Variants in VWA3B observed in about 807,000 individuals in gnomAD.
VWA3B encodes von Willebrand factor A domain-containing protein 3B.
VWA3B carries 138 observed loss-of-function variants against 158.3 expected under a neutral mutation model. The ratio of observed to expected loss-of-function variants is 0.87; its 90% CI spans 0.76 to 1.00. The LOEUF (loss-of-function observed/expected upper bound fraction) is 1.00. Among genes scored for constraint, VWA3B ranks in the 50% least tolerant of loss-of-function variants. The pLI is 0.00. For missense variants in VWA3B, 1,555 were observed against 1,565.1 expected (o/e 0.99, Z 0.11); for synonymous variants, 596 against 587.3 (o/e 1.01, Z -0.21).
At chr2:98,288,709 CCT>C (rs1003151942) in intron 22 of VWA3B, among the ~76,000 whole-genome samples, 5 of 152,150 alleles carry the variant, frequency 3.3e-5, no homozygotes, top group Admixed American at 6.5e-5. Context: ...TCATCCCTCC[CCT>C]CTTTGTCTCC....
intron 7 of VWA3B, among the ~76,000 whole-genome samples, chr2:98,161,647 C>T (rs1262157693): frequency 6.6e-6 from 1 of 152,140 alleles, no homozygotes; most frequent in Non-Finnish European, 1.5e-5. Context: ...ATAAGTGATA[C>T]AGGGAGATGC....
intron 12 of VWA3B, among the ~76,000 whole-genome samples, chr2:98,195,276 C>A (rs1254973396): frequency 6.6e-6 from 1 of 152,022 alleles, no homozygotes; most frequent in African/African-American, 2.4e-5. Flanking sequence ...AGCAAGTCTC[C>A]GTATCTTTTC....
chr2:98,292,744 C>T (rs2105955765), intron 23 of VWA3B, among the ~76,000 whole-genome samples: 1 of 152,250 alleles, frequency 6.6e-6, no homozygotes, highest in South Asian at 2.1e-4. Context: ...GCAGGCAGAT[C>T]ACCTGAGGTC....
chr2:98,125,217 T>A lies in VWA3B; in HGVS notation c.703-3022T>A, dbSNP rs1675262925. Reference sequence around the variant, plus strand: ...TGGTCCCAACTTTTGGTCAGTGATGTTGGTATCTGGGGTAGGAGCCTGAAC... The same window carrying A: ...TGGTCCCAACTTTTGGTCAGTGATGATGGTATCTGGGGTAGGAGCCTGAAC... On this transcript the variant is annotated intron_variant, in intron 5 of 27. Coordinates refer to ENST00000477737, the MANE Select transcript of VWA3B (RefSeq NM_144992.5). This position sits in a 1 kb window ranked among gnomAD's most constrained non-coding sequence, Gnocchi z 4.1. Among the ~76,000 whole-genome samples the A allele has an allele frequency of 6.6e-6, 1 of 152,330 alleles. No homozygotes were observed. The highest frequency in any genetic ancestry group is 2.4e-5 in the African/African-American group (1 of 41,588).
intron 8 of VWA3B, 90 bp downstream of exon 8, chr2:98,163,066 A>C: frequency 6.4e-7 from 1 of 1,560,398 alleles, no homozygotes; most frequent in Non-Finnish European, 8.7e-7. Context: ...TGACCAGAGA[A>C]GCTCCAGAGC....
In VWA3B at chr2:98,102,611, G is replaced by A. The variant is rs6725198; in HGVS notation, c.196+9323G>A. Reference sequence around the variant, plus strand: ...ACCTAATTCAGTCAAGGAAGTTAGCGAAAATACCAATTTCTTACATTTTGT... The same window carrying A: ...ACCTAATTCAGTCAAGGAAGTTAGCAAAAATACCAATTTCTTACATTTTGT... On this transcript the variant is annotated intron_variant, in intron 2 of 27. Transcript: ENST00000477737. Among the ~76,000 whole-genome samples the A allele has an allele frequency of 9.7e-3, 1,471 of 152,292 alleles. 40 individuals are homozygous for A. Among genetic ancestry groups the A allele is most frequent in the African/African-American group, 0.034 (1,398 of 41,548 alleles).
intron 17 of VWA3B, 115 bp downstream of exon 17, chr2:98,234,882 T>C: frequency 1.4e-6 from 2 of 1,439,354 alleles, no homozygotes; most frequent in Middle Eastern, 2.4e-4. Context: ...GGGCCCAGAT[T>C]GCTTCCTATT....
chr2:98,266,193 C>T (rs1179386268), intron 21 of VWA3B, among the ~76,000 whole-genome samples: 1 of 151,644 alleles, frequency 6.6e-6, no homozygotes, highest in African/African-American at 2.4e-5. Flanking sequence ...ACGTTTAAGT[C>T]TTTAATCCAT....
chr2:98,282,579 G>A (rs973280504), intron 22 of VWA3B, among the ~76,000 whole-genome samples: 1 of 151,736 alleles, frequency 6.6e-6, no homozygotes, highest in African/African-American at 2.4e-5. Context: ...TGGGATTACA[G>A]GCGCACGGCA....
intron 12 of VWA3B, among the ~76,000 whole-genome samples, chr2:98,196,663 C>T (rs1178736700): frequency 6.6e-6 from 1 of 152,138 alleles, no homozygotes; most frequent in Admixed American, 6.5e-5. Context: ...CCATGTTTCC[C>T]CGGGCTCTCT....
intron 17 of VWA3B, 65 bp downstream of exon 17, chr2:98,234,832 G>C: frequency 6.2e-7 from 1 of 1,604,732 alleles, no homozygotes; most frequent in South Asian, 1.1e-5. Flanking sequence ...GTTCCAGAAA[G>C]AGCTGCGTGT....
At chr2:98,169,936 T>C (rs1256811728) in intron 8 of VWA3B, among the ~76,000 whole-genome samples, 1 of 151,836 alleles carries the variant, frequency 6.6e-6, no homozygotes, top group Non-Finnish European at 1.5e-5. Context: ...CTGGGCGACA[T>C]GGCAAAACCC....
rs560197332 is a variant in VWA3B, at chr2:98,113,080, G to A, written c.197-2572G>A. 8.4e-4 allele frequency among the ~76,000 whole-genome samples: 127 copies of A among 151,236 alleles called. 2 individuals are homozygous for A. In the South Asian group the frequency reaches 0.025, roughly 30 times the overall value. The stretch of plus-strand genomic sequence containing the variant: ...ATATATAATGTTTATGGTATTTATA[G>A]TATACTTATAATATATTGAGGCCTT... On this transcript the variant is annotated intron_variant, in intron 2 of 27. Coordinates refer to ENST00000477737, the MANE Select transcript of VWA3B (RefSeq NM_144992.5).
At chr2:98,137,016 T>C (rs1250471801) in intron 7 of VWA3B, among the ~76,000 whole-genome samples, 2 of 152,252 alleles carry the variant, frequency 1.3e-5, no homozygotes, top group Non-Finnish European at 2.9e-5. Flanking sequence ...GTCCATTATA[T>C]GGATATACCA....
At chr2:98,178,054 G>T (rs1329148179) in intron 8 of VWA3B, among the ~76,000 whole-genome samples, 1 of 152,128 alleles carries the variant, frequency 6.6e-6, no homozygotes, top group Non-Finnish European at 1.5e-5. Flanking sequence ...AATAATAATT[G>T]AAGAAAATGT....
At chr2:98,168,734 G>A (rs569906159) in intron 8 of VWA3B, among the ~76,000 whole-genome samples, 6 of 152,172 alleles carry the variant, frequency 3.9e-5, no homozygotes, top group Non-Finnish European at 5.9e-5. Context: ...ATTAGACATC[G>A]CAGGAAAAGA....
intron 8 of VWA3B, among the ~76,000 whole-genome samples, chr2:98,179,794 C>CTTTCTT (rs779651044): frequency 0.015 from 825 of 53,750 alleles, 7 homozygotes; most frequent in East Asian, 0.094. Context: ...TCTTTTCTTT[C>CTTTCTT]TTTCTTTCTT....
chr2:98,210,597 C>G (rs944701186), intron 12 of VWA3B, among the ~76,000 whole-genome samples: 1 of 152,178 alleles, frequency 6.6e-6, no homozygotes, highest in Non-Finnish European at 1.5e-5. Flanking sequence ...ATGGGGTTCC[C>G]CATCATGGCT....
At chr2:98,196,328 C>G (rs1346929859) in intron 12 of VWA3B, among the ~76,000 whole-genome samples, 5 of 152,132 alleles carry the variant, frequency 3.3e-5, no homozygotes, top group African/African-American at 1.2e-4. Flanking sequence ...GCTTGGTTTA[C>G]TCATTCCACA....
Sources: gnomAD v4.1 joint callset for allele counts (sites outside exome capture counted in the v4.1 genomes callset) on GRCh38, gnomAD v4.1.1 for gene constraint, Gnocchi (gnomAD v3.1) non-coding constraint, MANE v1.5 for transcripts, NCBI Gene and HGNC (gene_info 2026-07-23, HGNC 2026-07-21) for gene names.